RPS3: variants seen among roughly 807,000 people sequenced by gnomAD.
RPS3 encodes small ribosomal subunit protein uS3.
In RPS3, 2 loss-of-function variants were observed where a neutral mutation model predicts 25.8. That is an observed-to-expected ratio of 0.08 (90% CI 0.03 to 0.24). RPS3 has a LOEUF of 0.24. Ranked by LOEUF, RPS3 falls within the 10% of genes least tolerant of loss-of-function variation. RPS3 has a pLI of 1.00. For missense variants in RPS3, 107 were observed against 307.1 expected (o/e 0.35, Z 4.87); for synonymous variants, 114 against 114.2 (o/e 1.00, Z 0.01).
chr11:75,415,974 TCAAA>T (rs1948394108), intron 6 of RPS3, among the ~76,000 whole-genome samples: 1 of 104,738 alleles, frequency 9.5e-6, no homozygotes. Flanking sequence ...AGATACTCTG[TCAAA>T]AAAAAAAAAA....
At chr11:75,411,166 G>A (rs1327179300), downstream of RPS3, among the ~76,000 whole-genome samples, 1 of 151,810 alleles carries the variant, frequency 6.6e-6, no homozygotes, top group South Asian at 2.1e-4. Context: ...ATGAGCCACC[G>A]TGCCCGGCCT....
intron 4 of RPS3, 144 bp downstream of exon 4, chr11:75,402,590 C>G (rs147285948): frequency 1.3e-6 from 1 of 795,252 alleles, no homozygotes; most frequent in East Asian, 2.9e-5. Flanking sequence ...TAAGTCATGC[C>G]CTCACTGAAC....
chr11:75,419,577 AAAAG>A (rs1159876613), intron 6 of RPS3, among the ~76,000 whole-genome samples: 11 of 152,168 alleles, frequency 7.2e-5, no homozygotes, highest in Non-Finnish European at 1.6e-4. Context: ...AAGAAAGAAA[AAAAG>A]AAAATCTAAT....
intron 6 of RPS3, among the ~76,000 whole-genome samples, chr11:75,420,749 G>A (rs1306898994): frequency 6.6e-6 from 1 of 152,040 alleles, no homozygotes; most frequent in Non-Finnish European, 1.5e-5. Flanking sequence ...TGTCAGGGGA[G>A]ACTAGAGAAG....
chr11:75,399,826 C>G, intron 1 of RPS3: 1 of 549,980 alleles, frequency 1.8e-6, no homozygotes, highest in Non-Finnish European at 3.2e-6. Context: ...CCGGAGAAGG[C>G]GTTTGTGAGC....
intron 1 of RPS3, among the ~76,000 whole-genome samples, chr11:75,400,206 A>G (rs1948186517): frequency 6.6e-6 from 1 of 152,248 alleles, no homozygotes; most frequent in South Asian, 2.1e-4. Context: ...GGTACCGTAA[A>G]GCCAAATAAC....
At chr11:75,410,128 ACCTC>A (rs1201488183), downstream of RPS3, among the ~76,000 whole-genome samples, 3 of 73,758 alleles carry the variant, frequency 4.1e-5, no homozygotes, top group Non-Finnish European at 7.6e-5. Flanking sequence ...CTGACCCCAC[ACCTC>A]CCTCCCGGAC....
At position 75,414,340 on chromosome 11, in the gene RPS3, C is replaced by T. The variant is rs1005270558; in HGVS notation, c.*4-7387C>T. ...TCAAAGGTTACTGTCGGCCGGGTGC[C>T]GTGGCTCACGCCTGTAATCCCAGCA... is the stretch of plus-strand genomic sequence containing the variant. On this transcript the variant is annotated intron_variant, in intron 6 of 6. Coordinates refer to the RPS3 transcript ENST00000527446. Among the ~76,000 whole-genome samples, 80 of 152,180 alleles carry T rather than the reference C, an allele frequency of 5.3e-4. 2 individuals are homozygous for T. Among genetic ancestry groups the T allele is most frequent in the Admixed American group, 4.8e-3 (73 of 15,276 alleles).
downstream of RPS3, among the ~76,000 whole-genome samples, chr11:75,411,542 AC>A (rs1948356196): frequency 6.6e-6 from 1 of 151,512 alleles, no homozygotes; most frequent in Non-Finnish European, 1.5e-5. Flanking sequence ...GGTGCCCGCT[AC>A]CATGCCTGGC....
intron 6 of RPS3, among the ~76,000 whole-genome samples, chr11:75,412,421 G>T (rs952347114): frequency 6.6e-6 from 1 of 152,192 alleles, no homozygotes; most frequent in Non-Finnish European, 1.5e-5. Context: ...TGAATGAGGA[G>T]AGACTTGCTT....
intron 2 of RPS3, 65 bp downstream of exon 2, chr11:75,400,889 A>G: frequency 6.5e-7 from 1 of 1,539,918 alleles, no homozygotes; most frequent in East Asian, 2.4e-5. Context: ...TTATTTATTT[A>G]TTTATTTTTT....
rs1234862665 is a variant in RPS3 at position 75,405,764 on chromosome 11, T to G, written c.*154T>G. The G allele has an allele frequency of 2.4e-6, 1 of 411,246 alleles. No homozygotes were observed. Among genetic ancestry groups the G allele is most frequent in the Non-Finnish European group, 4.8e-6 (1 of 207,052 alleles). 25.5% of individuals were successfully genotyped at this position (411,246 alleles called of 1,614,324 possible). A position where few individuals can be genotyped will look rare whatever the true frequency, so the allele number is the denominator to read the frequency against. On this transcript the variant is annotated 3_prime_UTR_variant, in exon 7 of 7. Transcript: ENST00000531188. ...TCTGGAGCATTACATATCTTCTTGG[T>G]TTTAACCATACTTGTGGTATTTGCA...
downstream of RPS3, among the ~76,000 whole-genome samples, chr11:75,409,945 C>A (rs1448000053): frequency 4.2e-5 from 5 of 119,108 alleles, no homozygotes; most frequent in Admixed American, 3.3e-4. Context: ...GGGGGGCTGA[C>A]CCCCCCACCT....
rs186940855 is a variant in RPS3, at chr11:75,404,478, C to G, written c.539-194C>G. The G allele has an allele frequency of 1.8e-4, 142 of 796,180 alleles. No individual in the cohort carries two copies. The highest frequency in any genetic ancestry group is 1.1e-3 in the Middle Eastern group (5 of 4,478). The allele number at this position is 796,180 out of a possible 1,614,324, so 49.3% of individuals were successfully genotyped here. ...GTCACGTCCTGCTCTTGGTCCTTGT[C>G]AGTGCCATGTTCTGTGGTGCTGTGC... On this transcript the variant is annotated intron_variant, in intron 5 of 6. Transcript: ENST00000531188. This position sits in a 1 kb window ranked among gnomAD's most constrained non-coding sequence, Gnocchi z 4.6.
At chr11:75,409,979 C>T (rs865952851), downstream of RPS3, among the ~76,000 whole-genome samples, 18 of 143,458 alleles carry the variant, frequency 1.3e-4, no homozygotes, top group East Asian at 2.1e-4. Context: ...GGCGGCTGGC[C>T]GGGCAGAGGG....
chr11:75,407,443 AACTT>A (rs1565165918), downstream of RPS3, among the ~76,000 whole-genome samples: 2 of 150,816 alleles, frequency 1.3e-5, no homozygotes, highest in African/African-American at 4.9e-5. Flanking sequence ...CAGCCAGTTG[AACTT>A]ACTTGAACAT....
At chr11:75,415,805 CAA>C (rs575409808) in intron 6 of RPS3, among the ~76,000 whole-genome samples, 5,119 of 61,930 alleles carry the variant, frequency 0.083, 144 homozygotes, top group East Asian at 0.17. Context: ...GACTCCATCT[CAA>C]AAAAAAAAAA....
At chr11:75,419,957 A>G (rs951264523) in intron 6 of RPS3, among the ~76,000 whole-genome samples, 1 of 152,238 alleles carries the variant, frequency 6.6e-6, no homozygotes, top group Non-Finnish European at 1.5e-5. Flanking sequence ...GACCATTAAG[A>G]ATAGTCATAA....
downstream of RPS3, among the ~76,000 whole-genome samples, chr11:75,409,470 C>T (rs1312352867): frequency 2.3e-5 from 3 of 129,004 alleles, no homozygotes; most frequent in Admixed American, 8.4e-5. Flanking sequence ...TGAGTGGACA[C>T]AGCACATGTT....
Sources: gnomAD v4.1 joint callset for allele counts (sites outside exome capture counted in the v4.1 genomes callset) on GRCh38, gnomAD v4.1.1 for gene constraint, Gnocchi (gnomAD v3.1) non-coding constraint, MANE v1.5 for transcripts, NCBI Gene and HGNC (gene_info 2026-07-23, HGNC 2026-07-21) for gene names.